Variants in ARHGAP8 observed in about 807,000 individuals in gnomAD.
ARHGAP8 encodes the protein Rho GTPase activating protein 8, also known as rho GTPase-activating protein 8.
Under a neutral mutation model 46.1 loss-of-function variants are expected in ARHGAP8, and 62 were observed. That is an observed-to-expected ratio of 1.34 (90% confidence interval 1.10 to 1.66). The LOEUF (loss-of-function observed/expected upper bound fraction) is 1.66, where lower values mean the gene tolerates loss of function less well. ARHGAP8 is among the 40% of genes most tolerant of loss of function. The pLI is 0.00. For synonymous variants in ARHGAP8, 375 were observed against 243.1 expected (o/e 1.54, Z -5.05); for missense variants, 923 against 568.4 (o/e 1.62, Z -6.34).
At position 44,759,629 on chromosome 22, in the gene ARHGAP8, G is replaced by A. The variant is rs186101564; in HGVS notation, c.-72+7002G>A. Among the ~76,000 whole-genome samples, 4 of 149,386 alleles carry A rather than the reference G, an allele frequency of 2.7e-5. No homozygotes were observed. The East Asian group carries it at 5.9e-4, about 22-fold the overall frequency. ...GGGTCTCATCTGCATACCCAGCTGC[G>A]CAGAGACTCTCACAGTGGTTCTGTC... On this transcript the variant is annotated intron_variant, in intron 1 of 11. Coordinates refer to ENST00000356099, the MANE Select transcript of ARHGAP8 (RefSeq NM_181335.3).
At chr22:44,822,340 G>GT in intron 5 of ARHGAP8, 31 bp from the exon 6 acceptor site, 2 of 1,570,948 alleles carry the variant, frequency 1.3e-6, no homozygotes, top group Non-Finnish European at 8.6e-7. Context: ...GCGCCTAATC[G>GT]TTCTTTATTC....
chr22:44,804,701 G>A (rs575683664), intron 3 of ARHGAP8, among the ~76,000 whole-genome samples: 4 of 152,170 alleles, frequency 2.6e-5, no homozygotes, highest in Admixed American at 2.0e-4. Context: ...GAGTGGGCTC[G>A]ACCTGGAACC....
In ARHGAP8 at chr22:44,862,398, T is replaced by G. The variant is rs1310373475; in HGVS notation, c.1105T>G (p.Phe369Val). 3.7e-6 allele frequency: 6 copies of G among 1,613,992 alleles called. No individual in the cohort carries two copies. Among genetic ancestry groups the G allele is most frequent in the Admixed American group, 3.3e-5 (2 of 60,004 alleles). ...GAGTGCCCTTGTGCCCCTGAACATGTTCACTGAACTGCTGATCGAGTACTA... is the reference window on the plus strand; with the variant it reads ...GAGTGCCCTTGTGCCCCTGAACATGGTCACTGAACTGCTGATCGAGTACTA... Reference protein sequence around the residue: ...SLSALVPLNMFTELLIEYYEK... With the variant: ...SLSALVPLNMVTELLIEYYEK... Residue 369 changes from phenylalanine to valine, a missense_variant, in exon 12 of 12, where the codon TTC becomes GTC. Physicochemically the swap from Phe to Val is conservative, Grantham distance 50 (BLOSUM62 -1). Transcript: ENST00000356099.
In ARHGAP8 at chr22:44,821,818, G is replaced by C. The variant is rs1930169324; in HGVS notation, c.387-553G>C. Reference sequence around the variant, plus strand: ...GGGAGAAGACGGAGTTGCTGCACCTGGTCAGGGCATGTCTGGCCTTGTGGC... The same window carrying C: ...GGGAGAAGACGGAGTTGCTGCACCTCGTCAGGGCATGTCTGGCCTTGTGGC... On this transcript the variant is annotated intron_variant, in intron 5 of 11. Coordinates refer to ENST00000356099, the MANE Select transcript of ARHGAP8 (RefSeq NM_181335.3). Among the ~76,000 whole-genome samples, 4 of 152,254 alleles carry C rather than the reference G, an allele frequency of 2.6e-5. No individual in the cohort carries two copies. The South Asian group carries it at 8.3e-4, about 31-fold the overall frequency.
At chr22:44,762,586 C>T (rs1925220676) in intron 1 of ARHGAP8, among the ~76,000 whole-genome samples, 2 of 147,310 alleles carry the variant, frequency 1.4e-5, no homozygotes. Context: ...CTTTGTCACC[C>T]AGACTGCAGT....
rs1929076784 is a variant in ARHGAP8 at position 44,808,332 on chromosome 22, T to TA, written c.194dup (p.Tyr65Ter). The TA allele has an allele frequency of 6.2e-7, 1 of 1,614,214 alleles. No individual in the cohort carries two copies. The highest frequency in any genetic ancestry group is 8.5e-7 in the Non-Finnish European group (1 of 1,180,012). The stretch of plus-strand genomic sequence containing the variant: ...GTATTTGAAGTACACACTGGACCAA[T>TA]ACGTTGAGAACGATTATACCATCGT... Reference protein sequence around the residue: ...LEYLKYTLDQYVENDYTIVYF... With the variant: ...LEYLKYTLDQ The change falls in exon 4 of 12, where the codon TAC becomes TAAC. Residue 65 changes from tyrosine to a stop codon, truncating the protein, a stop_gained and frameshift_variant. Transcript: ENST00000356099. LOFTEE classifies it high-confidence loss of function.
chr22:44,860,327 G>C (rs933390944), intron 11 of ARHGAP8, among the ~76,000 whole-genome samples: 7 of 152,162 alleles, frequency 4.6e-5, no homozygotes, highest in African/African-American at 1.7e-4. Flanking sequence ...AAAGCAAGGT[G>C]TGGCGGGCTG....
rs1491483559 is a variant in ARHGAP8, at chr22:44,858,367, TGG to T, written c.878-1363_878-1362del. Reference sequence around the variant, plus strand: ...TTGGTGAATACTTGTTGGTTGGTGGTGGTTTTTTTTTTTTTTTGAGATGGAGT... The same window carrying T: ...TTGGTGAATACTTGTTGGTTGGTGGTTTTTTTTTTTTTTTTGAGATGGAGT... On this transcript the variant is annotated intron_variant, in intron 10 of 11. Coordinates refer to ENST00000356099, the MANE Select transcript of ARHGAP8 (RefSeq NM_181335.3). 2.8e-5 allele frequency among the ~76,000 whole-genome samples: 3 copies of T among 108,132 alleles called. No homozygotes were observed. The South Asian group carries it at 1.1e-3, about 39-fold the overall frequency. The allele number at this position is 108,132 out of a possible 152,430, so 70.9% of individuals were successfully genotyped here.
intron 2 of ARHGAP8, among the ~76,000 whole-genome samples, chr22:44,799,180 G>A (rs1444046078): frequency 6.6e-6 from 1 of 152,248 alleles, no homozygotes; most frequent in Non-Finnish European, 1.5e-5. Context: ...CCTTGGCCAA[G>A]GAACCTTTTA....
intron 3 of ARHGAP8, among the ~76,000 whole-genome samples, chr22:44,805,907 T>G (rs1928889940): frequency 6.6e-6 from 1 of 152,184 alleles, no homozygotes; most frequent in Non-Finnish European, 1.5e-5. Flanking sequence ...AACTAGTAAT[T>G]TAGTTAATGA....
At chr22:44,829,118 C>CAAAAAAAAAAA (rs57906111) in intron 7 of ARHGAP8, among the ~76,000 whole-genome samples, 8 of 49,376 alleles carry the variant, frequency 1.6e-4, no homozygotes, top group African/African-American at 2.7e-4. Flanking sequence ...ACTAAAAATA[C>CAAAAAAAAAAA]AAAAAAAAAA....
intron 1 of ARHGAP8, among the ~76,000 whole-genome samples, chr22:44,785,417 T>A (rs971437423): frequency 1.3e-5 from 2 of 152,138 alleles, no homozygotes; most frequent in African/African-American, 4.8e-5. Flanking sequence ...AGGGTCTTTT[T>A]TGCATCTTCT....
At chr22:44,795,562 G>A (rs16992845) in intron 2 of ARHGAP8, among the ~76,000 whole-genome samples, 5,352 of 151,976 alleles carry the variant, frequency 0.035, 318 homozygotes, top group African/African-American at 0.12. Context: ...CCAGCAATAG[G>A]CACTGGTGCG....
chr22:44,814,787 C>A (rs1238260214), intron 5 of ARHGAP8, 29 bp downstream of exon 5: 1 of 1,611,146 alleles, frequency 6.2e-7, no homozygotes, highest in Non-Finnish European at 8.5e-7. Context: ...GAGGACCTCG[C>A]TGGGGTTGGA....
intron 1 of ARHGAP8, among the ~76,000 whole-genome samples, chr22:44,768,928 G>T (rs1264672509): frequency 1.3e-5 from 2 of 151,318 alleles, no homozygotes; most frequent in East Asian, 3.9e-4. Flanking sequence ...CGCTTCTCCT[G>T]GGCCCAAGTG....
chr22:44,862,360 G>A lies in ARHGAP8; in HGVS notation c.1067G>A (p.Gly356Glu), dbSNP rs147209719. 62 of 1,614,138 alleles carry A rather than the reference G, an allele frequency of 3.8e-5. No individual in the cohort carries two copies. The African/African-American group carries it at 7.1e-4, about 18-fold the overall frequency. The change falls in exon 12 of 12, where the codon GGG becomes GAG. Residue 356 changes from glycine to glutamate, a missense_variant. Coordinates refer to ENST00000356099, the MANE Select transcript of ARHGAP8 (RefSeq NM_181335.3). ...FGLNLIWPSQGVSSLSALVPL... is the reference protein window; with the variant it reads ...FGLNLIWPSQEVSSLSALVPL... ...CTGAATTTGATCTGGCCATCCCAGG[G>A]GGTCTCCTCCCTGAGTGCCCTTGTG...
intron 3 of ARHGAP8, among the ~76,000 whole-genome samples, chr22:44,804,152 A>G (rs1464261882): frequency 2.0e-5 from 3 of 151,876 alleles, no homozygotes. Context: ...GCCGTTTCCC[A>G]TTGCTCAGAA....
chr22:44,814,824 C>T (rs566414790), intron 5 of ARHGAP8, 66 bp downstream of exon 5: 27 of 1,565,576 alleles, frequency 1.7e-5, no homozygotes, highest in African/African-American at 5.4e-5. Context: ...GTCCATGGGA[C>T]GGCCTTCCCT....
intron 4 of ARHGAP8, among the ~76,000 whole-genome samples, chr22:44,811,643 A>G (rs756845156): frequency 2.6e-5 from 4 of 152,198 alleles, no homozygotes; most frequent in Non-Finnish European, 5.9e-5. Context: ...CTAGGCATCA[A>G]ACTACCCAAA....
Sources: gnomAD v4.1 joint callset for allele counts (sites outside exome capture counted in the v4.1 genomes callset) on GRCh38, gnomAD v4.1.1 for gene constraint, MANE v1.5 for transcripts, NCBI Gene and HGNC (gene_info 2026-07-23, HGNC 2026-07-21) for gene names.